Variants in NCOR2 observed in about 807,000 individuals in gnomAD.
NCOR2 encodes CTG repeat protein 26.
Under a neutral mutation model 262.9 loss-of-function variants are expected in NCOR2, and 81 were observed. The ratio of observed to expected loss-of-function variants is 0.31; its 90% CI spans 0.26 to 0.37. The LOEUF is 0.37. Ranked by LOEUF, NCOR2 falls within the 10% of genes least tolerant of loss-of-function variation. The probability of loss-of-function intolerance (pLI) is 1.00; values close to 1 mark genes in which losing one functional copy is unlikely to be tolerated. For missense variants in NCOR2, 3,385 were observed against 3,621.4 expected, an observed-to-expected ratio of 0.93 and a Z score of 1.68; for synonymous variants, 1,659 against 1,559.3, an observed-to-expected ratio of 1.06 and a Z score of -1.51.
At chr12:124,343,647 T>C (rs1490204409) in intron 32 of NCOR2, among the ~76,000 whole-genome samples, 1 of 149,814 alleles carries the variant, frequency 6.7e-6, no homozygotes, top group Non-Finnish European at 1.5e-5. Flanking sequence ...TTTTTTGAGA[T>C]AAGAGTTTCA....
Position 124,355,424 on chromosome 12 carries a change from C to T in NCOR2, c.3381+8G>A. ...TAAGCCCCCAAGAAAGGAAGGGCTA[C>T]CACTCACTTGGGAGATGGCACCTAT... is the stretch of plus-strand genomic sequence containing the variant. On this transcript the variant is annotated splice_region_variant and intron_variant, in intron 24 of 46. Transcript: ENST00000405201. 1 of 1,613,278 alleles carries T rather than the reference C, an allele frequency of 6.2e-7. No homozygotes were observed. The highest frequency in any genetic ancestry group is 1.1e-5 in the South Asian group (1 of 91,020).
rs114507128 is a variant in NCOR2 at position 124,366,239 on chromosome 12, C to T, written c.2808-2440G>A. 6.8e-3 allele frequency among the ~76,000 whole-genome samples: 1,041 copies of T among 152,202 alleles called. 14 individuals are homozygous for T. The highest frequency in any genetic ancestry group is 0.024 in the African/African-American group (986 of 41,516). On this transcript the variant is annotated intron_variant, in intron 20 of 46. Transcript: ENST00000405201. ...GGAGACAAAGCGTGCCCTGTCCGCA[C>T]GATGGAACACATGGCCATCAAAAGG...
intron 28 of NCOR2, among the ~76,000 whole-genome samples, chr12:124,350,257 TGAGA>T (rs759075568): frequency 1.3e-5 from 2 of 152,074 alleles, no homozygotes; most frequent in Admixed American, 6.6e-5. Context: ...TCATGGCCAA[TGAGA>T]GAGTGCGTGG....
At chr12:124,385,713 A>T in intron 17 of NCOR2, 32 bp downstream of exon 19, 2 of 1,608,834 alleles carry the variant, frequency 1.2e-6, no homozygotes, top group Non-Finnish European at 1.7e-6. Context: ...CCAGCTTCCC[A>T]GAGGCGCGGT....
chr12:124,551,351 A>AGAGC (rs1310520218), intron 1 of NCOR2, among the ~76,000 whole-genome samples: 1 of 152,200 alleles, frequency 6.6e-6, no homozygotes, highest in East Asian at 1.9e-4. Context: ...AGCAAACAGG[A>AGAGC]GAGCAGCGCG....
chr12:124,399,821 G>A (rs1047465564), intron 15 of NCOR2, among the ~76,000 whole-genome samples: 5 of 152,120 alleles, frequency 3.3e-5, no homozygotes, highest in Non-Finnish European at 1.5e-5. Context: ...GACGCACACC[G>A]CTGCCCCCTG....
At chr12:124,468,288 CTCATCACGCCCATCACCCTCA>C (rs2046608926) in intron 4 of NCOR2, among the ~76,000 whole-genome samples, 1 of 64,122 alleles carries the variant, frequency 1.6e-5, no homozygotes, top group Non-Finnish European at 3.4e-5. Context: ...CACCCTCATC[CTCATCACGCCCATCACCCTCA>C]TCATCCTCAT....
intron 16 of NCOR2, among the ~76,000 whole-genome samples, chr12:124,386,781 C>G (rs1311466249): frequency 6.6e-6 from 1 of 152,250 alleles, no homozygotes; most frequent in Non-Finnish European, 1.5e-5. Flanking sequence ...GAAGCCAAGC[C>G]CCCGGTCTCG....
chr12:124,336,445 G>T, intron 38 of NCOR2: 17 of 324,242 alleles, frequency 5.2e-5, no homozygotes, highest in Non-Finnish European at 8.4e-5. Flanking sequence ...ATGTGCAAAT[G>T]ATGAGCGCCC....
intron 22 of NCOR2, among the ~76,000 whole-genome samples, chr12:124,360,315 G>A (rs565659136): frequency 5.3e-5 from 8 of 152,324 alleles, no homozygotes; most frequent in South Asian, 2.1e-4. Context: ...CATCCCTGGC[G>A]TCATCCCCAC....
At chr12:124,330,738 C>A in intron 44 of NCOR2, 107 bp downstream of exon 46, 1 of 1,252,120 alleles carries the variant, frequency 8.0e-7, no homozygotes, top group Non-Finnish European at 1.1e-6. Flanking sequence ...TGAGGGGGTA[C>A]ACCCAGACTA....
At chr12:124,430,556 G>A in intron 9 of NCOR2, 59 bp downstream of exon 11, 1 of 1,546,728 alleles carries the variant, frequency 6.5e-7, no homozygotes, top group South Asian at 1.2e-5. Context: ...CTCTACTGAG[G>A]ATGCTGGAGC....
chr12:124,343,275 C>A, intron 32 of NCOR2, 49 bp from the exon 35 acceptor site: 1 of 1,540,842 alleles, frequency 6.5e-7, no homozygotes, highest in Non-Finnish European at 8.8e-7. Flanking sequence ...CTGGCATTTA[C>A]GGGGAGTTGT....
intron 1 of NCOR2, among the ~76,000 whole-genome samples, chr12:124,493,058 T>C (rs1190403371): frequency 6.6e-6 from 1 of 152,244 alleles, no homozygotes; most frequent in African/African-American, 2.4e-5. Context: ...CTCAGCCTCC[T>C]GCCTGGAGGG....
intron 7 of NCOR2, among the ~76,000 whole-genome samples, chr12:124,441,790 G>C (rs1293362143): frequency 6.6e-6 from 1 of 152,202 alleles, no homozygotes; most frequent in Non-Finnish European, 1.5e-5. Context: ...GGCGACAGCG[G>C]AGACCTAGGG....
chr12:124,498,424 G>T (rs2048491121), upstream of NCOR2, among the ~76,000 whole-genome samples: 1 of 152,096 alleles, frequency 6.6e-6, no homozygotes, highest in South Asian at 2.1e-4. Context: ...CTACCAAGGG[G>T]TTCCCCCACC....
At chr12:124,356,849 C>T (rs1407435599) in intron 22 of NCOR2, 67 bp from the exon 25 acceptor site, 22 of 1,414,580 alleles carry the variant, frequency 1.6e-5, no homozygotes, top group Non-Finnish European at 1.9e-5. Flanking sequence ...GGAGCCCTGG[C>T]TGACCCTACA....
At chr12:124,484,598 C>T (rs1167519401) in intron 2 of NCOR2, among the ~76,000 whole-genome samples, 2 of 152,222 alleles carry the variant, frequency 1.3e-5, no homozygotes, top group African/African-American at 2.4e-5. Context: ...CTCGCTGTCC[C>T]GCCACTGCAC....
chr12:124,439,303 AGAGACAGAGACCCAGAGACAGAGG>A (rs2044658697), intron 7 of NCOR2, among the ~76,000 whole-genome samples: 2 of 30,182 alleles, frequency 6.6e-5, no homozygotes, highest in African/African-American at 1.5e-4. Context: ...CCAGAGAGAG[AGAGACAGAGACCCAGAGACAGAGG>A]GAGAGACAGA....
Sources: allele counts gnomAD v4.1 joint callset (sites outside exome capture counted in the v4.1 genomes callset), GRCh38; gene constraint gnomAD v4.1.1; transcripts MANE v1.5; gene names NCBI Gene and HGNC (gene_info 2026-07-23, HGNC 2026-07-21).